The following LRRC9 variants were observed in gnomAD, a reference collection of about 807,000 sequenced individuals.
LRRC9 encodes leucine rich repeat containing 9.
A neutral mutation model predicts 63.2 loss-of-function variants in LRRC9; 122 were observed. That is an observed-to-expected ratio of 1.93 (90% CI 1.67 to 2.24). LRRC9 has a LOEUF of 2.24. LRRC9 is among the 30% of genes most tolerant of loss of function. The probability of loss-of-function intolerance (pLI) is 0.00; values close to 1 mark genes in which losing one functional copy is unlikely to be tolerated. For missense variants in LRRC9, 1,071 were observed against 627.7 expected, an observed-to-expected ratio of 1.71 and a Z score of -7.55; for synonymous variants, 366 against 213.1, an observed-to-expected ratio of 1.72 and a Z score of -6.25.
chr14:60,030,678 C>CT (rs537901760), intron 28 of LRRC9, among the ~76,000 whole-genome samples: 3 of 151,908 alleles, frequency 2.0e-5, no homozygotes, highest in Admixed American at 6.6e-5. Context: ...GTTGGCTCTC[C>CT]AAGAGGAAAA....
chr14:60,014,830 A>G (rs1423253931), intron 23 of LRRC9, among the ~76,000 whole-genome samples: 16 of 152,026 alleles, frequency 1.1e-4, no homozygotes, highest in Admixed American at 1.0e-3. Context: ...ATTTTTGGTT[A>G]TAACTTCTTC....
chr14:60,053,351 G>T lies in LRRC9; in HGVS notation c.4131+146G>T. Reference sequence around the variant, plus strand: ...ATCTATTTAGTGATTACTATCAAAGGCAGCTGGATTTGGTGAATAGAGCAT... The same window carrying T: ...ATCTATTTAGTGATTACTATCAAAGTCAGCTGGATTTGGTGAATAGAGCAT... On this transcript the variant is annotated intron_variant, in intron 30 of 31. Transcript: ENST00000445360. The surrounding 1 kb of genome is among the most constrained non-coding windows in gnomAD (Gnocchi z 4.8). 1 of 502,192 alleles carries T rather than the reference G, an allele frequency of 2.0e-6. No individual in the cohort carries two copies. The allele number at this position is 502,192 out of a possible 1,614,324, so 31.1% of individuals were successfully genotyped here. A position where few individuals can be genotyped will look rare whatever the true frequency, so the allele number is the denominator to read the frequency against.
At position 59,923,800 on chromosome 14, in the gene LRRC9, G is replaced by T. The variant is rs539667780; in HGVS notation, c.-34+3917G>T. ...CTAAAAATACAAAAAAATTAGCCGG[G>T]CGTGGTGGCAGGCGCCTATAGTTCC... On this transcript the variant is annotated intron_variant, in intron 1 of 31. Transcript: ENST00000445360. The surrounding 1 kb of genome is among the most constrained non-coding windows in gnomAD (Gnocchi z 4.2). Among the ~76,000 whole-genome samples, 1 of 152,246 alleles carries T rather than the reference G, an allele frequency of 6.6e-6. No homozygotes were observed. Among genetic ancestry groups the T allele is most frequent in the East Asian group, 1.9e-4 (1 of 5,174 alleles).
rs1294499782 is a variant in LRRC9 at position 59,958,186 on chromosome 14, G to C, written c.883-1632G>C. Among the ~76,000 whole-genome samples the C allele has an allele frequency of 6.6e-6, 1 of 152,218 alleles. No individual in the cohort carries two copies. Among genetic ancestry groups the C allele is most frequent in the Non-Finnish European group, 1.5e-5 (1 of 68,038 alleles). ...GGGCGAATCCCTCTTGTCAGGATTA[G>C]CTGCTCTCTTCAGAGCTGGCAGGCA... On this transcript the variant is annotated intron_variant, in intron 8 of 31. Coordinates refer to ENST00000445360, the Ensembl canonical transcript of LRRC9. This position sits in a 1 kb window ranked among gnomAD's most constrained non-coding sequence, Gnocchi z 4.0.
At chr14:60,035,727 C>T (rs1035357990) in intron 29 of LRRC9, among the ~76,000 whole-genome samples, 5 of 152,010 alleles carry the variant, frequency 3.3e-5, no homozygotes, top group Non-Finnish European at 7.4e-5. Context: ...AGCTCCATGG[C>T]GTTTTGGTTA....
intron 7 of LRRC9, among the ~76,000 whole-genome samples, chr14:59,939,350 A>G (rs909123870): frequency 6.6e-6 from 1 of 151,928 alleles, no homozygotes; most frequent in East Asian, 1.9e-4. Flanking sequence ...ATTATGTGAG[A>G]CTGTAGACTG....
At chr14:59,937,677 A>G (rs1881182168) in intron 6 of LRRC9, among the ~76,000 whole-genome samples, 1 of 152,172 alleles carries the variant, frequency 6.6e-6, no homozygotes, top group African/African-American at 2.4e-5. Flanking sequence ...GCAAGACTGA[A>G]GAGTTAATCA....
downstream of LRRC9, among the ~76,000 whole-genome samples, chr14:60,065,431 T>C (rs1361309853): frequency 6.7e-6 from 1 of 149,900 alleles, no homozygotes; most frequent in East Asian, 2.0e-4. Context: ...GCAGATCACC[T>C]GAGGTCAGGA....
At chr14:60,026,956 A>C (rs219402) in intron 27 of LRRC9, among the ~76,000 whole-genome samples, 128,383 of 151,922 alleles carry the variant, frequency 0.85, 54,779 homozygotes, top group Non-Finnish European at 0.9. Flanking sequence ...TTTTAAAGAC[A>C]CTTTCTCCAA....
intron 30 of LRRC9, among the ~76,000 whole-genome samples, chr14:60,056,373 C>A (rs1431376140): frequency 3.3e-5 from 5 of 152,134 alleles, no homozygotes; most frequent in Non-Finnish European, 5.9e-5. Flanking sequence ...TTGAAGATCC[C>A]AATTTTCATA....
intron 6 of LRRC9, among the ~76,000 whole-genome samples, chr14:59,937,773 G>C (rs1303013190): frequency 6.6e-6 from 1 of 152,156 alleles, no homozygotes; most frequent in African/African-American, 2.4e-5. Flanking sequence ...TGGACTGAGA[G>C]TGCATATCAA....
chr14:60,006,905 G>A (rs1889853811), intron 22 of LRRC9, among the ~76,000 whole-genome samples: 1 of 152,108 alleles, frequency 6.6e-6, no homozygotes, highest in African/African-American at 2.4e-5. Flanking sequence ...AGTACAATTC[G>A]TGATGATCTT....
At chr14:59,972,742 A>G (rs1383257835) in intron 12 of LRRC9, among the ~76,000 whole-genome samples, 2 of 152,142 alleles carry the variant, frequency 1.3e-5, no homozygotes, top group Non-Finnish European at 2.9e-5. Flanking sequence ...ACTGGCATAA[A>G]CAAGCTTGGG....
chr14:60,028,956 C>T (rs1289224424), intron 28 of LRRC9, among the ~76,000 whole-genome samples: 3 of 151,954 alleles, frequency 2.0e-5, no homozygotes, highest in Middle Eastern at 3.2e-3. Context: ...TTTTAAAGCC[C>T]TGGACAAGGT....
intron 29 of LRRC9, among the ~76,000 whole-genome samples, chr14:60,045,932 G>A (rs1348898844): frequency 1.3e-5 from 2 of 151,862 alleles, no homozygotes; most frequent in Non-Finnish European, 2.9e-5. Context: ...TCACCAGCAT[G>A]TCGTTTTTTG....
At chr14:59,920,957 G>C (rs139975921) in intron 1 of LRRC9, among the ~76,000 whole-genome samples, 2 of 152,304 alleles carry the variant, frequency 1.3e-5, no homozygotes, top group East Asian at 3.9e-4. Flanking sequence ...AGGGAAGAAA[G>C]GCCCGTAAAC....
At chr14:60,045,477 G>A (rs160251) in intron 29 of LRRC9, among the ~76,000 whole-genome samples, 114,484 of 152,024 alleles carry the variant, frequency 0.75, 45,104 homozygotes, top group Non-Finnish European at 0.87. Context: ...CTATGTGTCC[G>A]TCTGTTTTTA....
At chr14:60,045,337 T>C (rs1027751106) in intron 29 of LRRC9, among the ~76,000 whole-genome samples, 1 of 152,202 alleles carries the variant, frequency 6.6e-6, no homozygotes, top group Non-Finnish European at 1.5e-5. Context: ...TGTAAACATA[T>C]GCCATGGTAG....
At chr14:59,929,693 G>C (rs2139772391) in intron 3 of LRRC9, among the ~76,000 whole-genome samples, 1 of 152,196 alleles carries the variant, frequency 6.6e-6, no homozygotes, top group East Asian at 1.9e-4. Context: ...ATCAGTAGTA[G>C]ACTGGATAAA....
Sources: gnomAD v4.1 joint callset for allele counts (sites outside exome capture counted in the v4.1 genomes callset) on GRCh38, gnomAD v4.1.1 for gene constraint, Gnocchi (gnomAD v3.1) non-coding constraint, MANE v1.5 for transcripts, NCBI Gene and HGNC (gene_info 2026-07-23, HGNC 2026-07-21) for gene names.